MOCOS: variants seen among roughly 807,000 people sequenced by gnomAD.
The protein encoded by MOCOS is human molybdenum cofactor sulfurase.
Under a neutral mutation model 83.6 loss-of-function variants are expected in MOCOS, and 86 were observed. That is an observed-to-expected ratio of 1.03 (90% CI 0.86 to 1.23). MOCOS has a LOEUF of 1.23. Ranked by LOEUF, MOCOS falls within the 50% of genes most tolerant of loss-of-function variation. MOCOS has a pLI of 0.00. For missense variants in MOCOS, 1,120 were observed against 1,126.9 expected (o/e 0.99, Z 0.09); for synonymous variants, 445 against 434.7 (o/e 1.02, Z -0.29).
intron 13 of MOCOS, among the ~76,000 whole-genome samples, chr18:36,263,031 C>T (rs948180035): frequency 3.3e-5 from 5 of 152,086 alleles, no homozygotes; most frequent in Middle Eastern, 3.2e-3. Context: ...ATTGCTTGAG[C>T]CTGGGAAATG....
intron 6 of MOCOS, among the ~76,000 whole-genome samples, chr18:36,206,095 C>T (rs767466832): frequency 3.3e-5 from 5 of 151,878 alleles, no homozygotes; most frequent in Non-Finnish European, 7.4e-5. Context: ...GTTCTGTTGA[C>T]TGGAAGATTG....
chr18:36,188,445 C>T (rs2091351184), intron 1 of MOCOS, among the ~76,000 whole-genome samples: 1 of 152,252 alleles, frequency 6.6e-6, no homozygotes, highest in African/African-American at 2.4e-5. Context: ...GCCGACCCAG[C>T]CCTCTGCTGC....
At chr18:36,244,884 C>T (rs1212206199) in intron 9 of MOCOS, among the ~76,000 whole-genome samples, 2 of 152,054 alleles carry the variant, frequency 1.3e-5, no homozygotes, top group Non-Finnish European at 2.9e-5. Flanking sequence ...TAATATTCCT[C>T]TTTGTCTTTT....
intron 13 of MOCOS, among the ~76,000 whole-genome samples, chr18:36,263,311 T>C (rs1314413706): frequency 6.6e-6 from 1 of 152,242 alleles, no homozygotes; most frequent in Non-Finnish European, 1.5e-5. Context: ...AAGACAGTTA[T>C]GTGAATTAGG....
At chr18:36,213,300 T>C (rs2298600) in intron 6 of MOCOS, 66 bp from the exon 7 acceptor site, 3 of 1,240,562 alleles carry the variant, frequency 2.4e-6, no homozygotes, top group Non-Finnish European at 3.6e-6. Flanking sequence ...CAAATCCTGA[T>C]CTGAATCTCT....
chr18:36,195,698 A>T (rs184406823), intron 2 of MOCOS, among the ~76,000 whole-genome samples: 13 of 152,332 alleles, frequency 8.5e-5, no homozygotes, highest in Admixed American at 3.3e-4. Flanking sequence ...TTCACTCTAT[A>T]ACTGTTCATT....
intron 2 of MOCOS, among the ~76,000 whole-genome samples, chr18:36,198,442 C>A (rs2091398774): frequency 6.6e-6 from 1 of 152,162 alleles, no homozygotes; most frequent in Admixed American, 6.5e-5. Context: ...TATCTGTTCA[C>A]CCATTGATGG....
chr18:36,251,588 G>T (rs1454452851), intron 11 of MOCOS, among the ~76,000 whole-genome samples: 1 of 152,148 alleles, frequency 6.6e-6, no homozygotes, highest in African/African-American at 2.4e-5. Flanking sequence ...AACCCTAATA[G>T]CTTGCTATGT....
chr18:36,257,221 G>T, intron 12 of MOCOS, 148 bp downstream of exon 12: 1 of 741,250 alleles, frequency 1.3e-6, no homozygotes. Flanking sequence ...GCCCTGAGAA[G>T]TAAGCAGGCC....
At chr18:36,195,441 T>C (rs2091383654) in intron 2 of MOCOS, 95 bp downstream of exon 2, 1 of 1,191,130 alleles carries the variant, frequency 8.4e-7, no homozygotes, top group Non-Finnish European at 1.2e-6. Flanking sequence ...AGGAATATTC[T>C]GACCACAAAA....
At chr18:36,237,480 G>A (rs2091563823) in intron 9 of MOCOS, among the ~76,000 whole-genome samples, 2 of 152,208 alleles carry the variant, frequency 1.3e-5, no homozygotes, top group East Asian at 1.9e-4. Flanking sequence ...CAGGGATGAA[G>A]CCCAGTTGAT....
In MOCOS at chr18:36,205,240, G is replaced by A. The variant is rs770827269; in HGVS notation, c.1182G>A (p.Val394=). 9.9e-6 allele frequency: 16 copies of A among 1,613,948 alleles called. 1 individual carries two copies. Among genetic ancestry groups the A allele is most frequent in the Middle Eastern group, 3.3e-4 (2 of 6,002 alleles). ...EVQGPIINFN[V]LDDKGNIIGY... ...AGGGCCCAATCATCAATTTTAATGTGCTGGATGACAAAGGGAACATCATTG... is the reference window on the plus strand; with the variant it reads ...AGGGCCCAATCATCAATTTTAATGTACTGGATGACAAAGGGAACATCATTG... The change falls in exon 6 of 15, where the codon GTG becomes GTA. Residue 394 remains valine (V), a synonymous_variant. Transcript: ENST00000261326.
chr18:36,251,396 G>A (rs2091621388), intron 11 of MOCOS, 113 bp downstream of exon 11: 2 of 1,399,494 alleles, frequency 1.4e-6, no homozygotes, highest in Admixed American at 3.4e-5. Flanking sequence ...ATGGAAAGCA[G>A]GGGTCATCAG....
At position 36,215,643 on chromosome 18, in the gene MOCOS, C is replaced by G. The variant is rs759211724; in HGVS notation, c.1463C>G (p.Thr488Ser). The G allele has an allele frequency of 5.6e-6, 9 of 1,614,054 alleles. No individual in the cohort carries two copies. The African/African-American group carries it at 9.3e-5, about 17-fold the overall frequency. ...VQAFLRFIID[T>S]RLHSSGDWPV... ...GCCTTTCTTAGGTTCATCATAGACA[C>G]TCGCCTGCACTCATCAGGGGACTGG... The change falls in exon 8 of 15, where the codon ACT becomes AGT. Residue 488 changes from threonine (T) to serine (S), a missense_variant. Physicochemically the swap from Thr to Ser is moderately conservative, Grantham distance 58. Transcript: ENST00000261326.
chr18:36,199,751 C>G lies in MOCOS; in HGVS notation c.368C>G (p.Ala123Gly), dbSNP rs769080443. Residue 123 changes from alanine to glycine, a missense_variant, in exon 4 of 15, where the codon GCT becomes GGT. Physicochemically the swap from Ala to Gly is moderately conservative, Grantham distance 60. Coordinates refer to ENST00000261326, the MANE Select transcript of MOCOS (RefSeq NM_017947.4). ...TVIFTAGSTA[A>G]LKLVAEAFPW... ...ATCTTCACTGCCGGGAGCACGGCTGCTCTCAAACTGGTGGCAGAGGCCTTT... is the reference window on the plus strand; with the variant it reads ...ATCTTCACTGCCGGGAGCACGGCTGGTCTCAAACTGGTGGCAGAGGCCTTT... 6 of 1,614,172 alleles carry G rather than the reference C, an allele frequency of 3.7e-6. No individual in the cohort carries two copies. The Admixed American group carries it at 1.0e-4, about 27-fold the overall frequency.
At chr18:36,244,111 A>C (rs1420194449) in intron 9 of MOCOS, among the ~76,000 whole-genome samples, 1 of 150,368 alleles carries the variant, frequency 6.7e-6, no homozygotes, top group Non-Finnish European at 1.5e-5. Flanking sequence ...TGTTTGTTTC[A>C]ATTTCATTTA....
At chr18:36,260,324 C>A in intron 13 of MOCOS, 149 bp downstream of exon 13, 1 of 989,134 alleles carries the variant, frequency 1.0e-6, no homozygotes, top group South Asian at 1.5e-5. Context: ...GTAAGCTTAG[C>A]CTTCTAAGAC....
chr18:36,244,539 A>G (rs773270559), intron 9 of MOCOS, among the ~76,000 whole-genome samples: 5 of 152,106 alleles, frequency 3.3e-5, no homozygotes, highest in Non-Finnish European at 5.9e-5. Flanking sequence ...TTTTATGGCC[A>G]TGATATGGTT....
At chr18:36,249,992 G>A (rs1598591438) in intron 10 of MOCOS, among the ~76,000 whole-genome samples, 1 of 152,082 alleles carries the variant, frequency 6.6e-6, no homozygotes, top group South Asian at 2.1e-4. Context: ...TTTATTGATT[G>A]TACATGTTTC....
Sources: gnomAD v4.1 joint callset for allele counts (sites outside exome capture counted in the v4.1 genomes callset) on GRCh38, gnomAD v4.1.1 for gene constraint, MANE v1.5 for transcripts, NCBI Gene and HGNC (gene_info 2026-07-23, HGNC 2026-07-21) for gene names.